The following KCNN2 variants were observed in gnomAD, a reference collection of about 807,000 sequenced individuals.
The protein encoded by KCNN2 is small conductance calcium-activated potassium channel protein 2.
In KCNN2, 24 loss-of-function variants were observed where a neutral mutation model predicts 55.5. The ratio of observed to expected loss-of-function variants is 0.43; its 90% CI spans 0.31 to 0.61. The LOEUF is 0.61. KCNN2 is among the 20% of genes least tolerant of loss of function. The probability of loss-of-function intolerance (pLI) is 0.08; values close to 1 mark genes in which losing one functional copy is unlikely to be tolerated. For synonymous variants in KCNN2, 431 were observed against 336.1 expected (o/e 1.28, Z -3.09); for missense variants, 754 against 853.6 (o/e 0.88, Z 1.45).
chr5:114,139,221 A>C (rs1752226877), intron 1 of KCNN2, among the ~76,000 whole-genome samples: 1 of 152,078 alleles, frequency 6.6e-6, no homozygotes, highest in South Asian at 2.1e-4. Flanking sequence ...TTTTTGAAGA[A>C]GACATGTGGA....
chr5:114,351,419 T>C (rs1438774629), intron 2 of KCNN2, among the ~76,000 whole-genome samples: 1 of 151,824 alleles, frequency 6.6e-6, no homozygotes, highest in African/African-American at 2.4e-5. Flanking sequence ...TTCTTATCTA[T>C]CTGAATACCT....
chr5:114,267,144 T>C (rs895648402), intron 2 of KCNN2, among the ~76,000 whole-genome samples: 1 of 152,086 alleles, frequency 6.6e-6, no homozygotes, highest in Non-Finnish European at 1.5e-5. Flanking sequence ...TAAAGGCGTA[T>C]GCCACAATGC....
At chr5:114,074,131 C>T (rs1750631950) in intron 1 of KCNN2, among the ~76,000 whole-genome samples, 1 of 152,142 alleles carries the variant, frequency 6.6e-6, no homozygotes, top group South Asian at 2.1e-4. Flanking sequence ...CTAAGAAAGG[C>T]ACTTTAAACT....
intron 1 of KCNN2, among the ~76,000 whole-genome samples, chr5:114,167,568 C>T (rs1752940618): frequency 6.6e-6 from 1 of 152,092 alleles, no homozygotes; most frequent in Non-Finnish European, 1.5e-5. Context: ...ATAATCTCTA[C>T]TTGTTCTATG....
intron 6 of KCNN2, among the ~76,000 whole-genome samples, chr5:114,490,510 T>C (rs1375924370): frequency 6.6e-6 from 1 of 152,142 alleles, no homozygotes. Flanking sequence ...AGAAGGATAA[T>C]TGGATAGTGT....
intron 2 of KCNN2, among the ~76,000 whole-genome samples, chr5:114,366,381 A>G (rs1244370366): frequency 6.6e-6 from 1 of 152,202 alleles, no homozygotes; most frequent in African/African-American, 2.4e-5. Context: ...GATAATTTCA[A>G]AATAGATGCT....
rs370589319 is a variant in KCNN2 at position 114,165,857 on chromosome 5, G to C, written c.-270-55623G>C. Among the ~76,000 whole-genome samples the C allele has an allele frequency of 1.8e-4, 27 of 152,194 alleles. No individual in the cohort carries two copies. In the East Asian group the frequency reaches 5.2e-3, roughly 29 times the overall value. ...TAGTTAAGTTTTGGAGAAGCCAAAA[G>C]TTATACATGGGTTTTTAACTGTGTG... On this transcript the variant is annotated intron_variant, in intron 1 of 10. Transcript: ENST00000512097.
At chr5:114,304,861 G>T (rs1247893101) in intron 2 of KCNN2, among the ~76,000 whole-genome samples, 1 of 152,176 alleles carries the variant, frequency 6.6e-6, no homozygotes, top group Non-Finnish European at 1.5e-5. Context: ...TCTACCAAGT[G>T]CTGTGCTTGC....
chr5:114,207,021 G>T (rs1271405204), intron 1 of KCNN2, among the ~76,000 whole-genome samples: 1 of 151,996 alleles, frequency 6.6e-6, no homozygotes, highest in Non-Finnish European at 1.5e-5. Flanking sequence ...TGTATATTTA[G>T]AACACTCTTT....
intron 1 of KCNN2, among the ~76,000 whole-genome samples, chr5:114,109,969 A>G (rs1275345864): frequency 1.3e-5 from 2 of 152,072 alleles, no homozygotes; most frequent in Admixed American, 1.3e-4. Context: ...TGATTAGTCC[A>G]TGAGGGCTCC....
chr5:114,170,056 A>G (rs1418500814), intron 1 of KCNN2, among the ~76,000 whole-genome samples: 1 of 152,096 alleles, frequency 6.6e-6, no homozygotes, highest in African/African-American at 2.4e-5. Context: ...TATTGTCACT[A>G]GGAATAATCT....
At chr5:114,167,483 T>C (rs1468604777) in intron 1 of KCNN2, among the ~76,000 whole-genome samples, 2 of 152,122 alleles carry the variant, frequency 1.3e-5, no homozygotes, top group Admixed American at 1.3e-4. Flanking sequence ...CATACTAACT[T>C]ACCTGTATAT....
At chr5:114,099,032 T>A (rs758558956) in intron 1 of KCNN2, among the ~76,000 whole-genome samples, 39 of 152,290 alleles carry the variant, frequency 2.6e-4, no homozygotes, top group Admixed American at 1.4e-3. Flanking sequence ...TATAAATGAC[T>A]TGAAGCAATT....
intron 2 of KCNN2, among the ~76,000 whole-genome samples, chr5:114,348,642 G>A (rs2074562986): frequency 6.6e-6 from 1 of 152,008 alleles, no homozygotes; most frequent in South Asian, 2.1e-4. Flanking sequence ...ATTCCTATTA[G>A]GACATTCACT....
chr5:114,367,980 T>A (rs192659765), intron 2 of KCNN2, among the ~76,000 whole-genome samples: 1 of 152,296 alleles, frequency 6.6e-6, no homozygotes, highest in East Asian at 1.9e-4. Context: ...CATTTTCGTT[T>A]GTTTGTTTTT....
chr5:114,434,551 A>G (rs1759935369), intron 3 of KCNN2, among the ~76,000 whole-genome samples: 1 of 152,174 alleles, frequency 6.6e-6, no homozygotes, highest in Admixed American at 6.5e-5. Flanking sequence ...CAGATATAAG[A>G]TACTGGGTAA....
At chr5:114,190,276 T>C (rs540235703) in intron 1 of KCNN2, among the ~76,000 whole-genome samples, 3 of 152,120 alleles carry the variant, frequency 2.0e-5, no homozygotes, top group Non-Finnish European at 4.4e-5. Flanking sequence ...TCTGCACTGC[T>C]CTTGTGCTTA....
At chr5:114,186,288 G>T (rs1275692140) in intron 1 of KCNN2, among the ~76,000 whole-genome samples, 1 of 152,068 alleles carries the variant, frequency 6.6e-6, no homozygotes, top group Non-Finnish European at 1.5e-5. Flanking sequence ...AAATCTAGAT[G>T]TAAAATTGTT....
At position 114,362,358 on chromosome 5, in the gene KCNN2, C is replaced by T. The variant is rs1348373559; in HGVS notation, c.219C>T (p.Ala73=). The T allele has an allele frequency of 1.5e-5, 3 of 202,396 alleles. No individual in the cohort carries two copies. The highest frequency in any genetic ancestry group is 2.9e-5 in the Non-Finnish European group (3 of 102,064). The allele number at this position is 202,396 out of a possible 1,614,324, so 12.5% of individuals were successfully genotyped here. The change falls in exon 1 of 8, where the codon GCC becomes GCT. Residue 73 remains alanine (A), a synonymous_variant. Transcript: ENST00000673685. ...SSPCLRCNSC[A]SSGAPAAGAG... ...CATGCCTCCGGTGCAACAGCTGCGC[C>T]TCCTCCGGTGCCCCGGCGGCGGGGG...
Sources: allele counts gnomAD v4.1 joint callset (sites outside exome capture counted in the v4.1 genomes callset), GRCh38; gene constraint gnomAD v4.1.1; transcripts MANE v1.5; gene names NCBI Gene and HGNC (gene_info 2026-07-23, HGNC 2026-07-21).